The following LRRC7 variants were observed in gnomAD, a reference collection of about 807,000 sequenced individuals.
LRRC7 encodes the protein leucine rich repeat containing 7.
Under a neutral mutation model 175.7 loss-of-function variants are expected in LRRC7, and 23 were observed. That is an observed-to-expected ratio of 0.13 (90% CI 0.09 to 0.19). The LOEUF (loss-of-function observed/expected upper bound fraction) is 0.19. Among genes scored for constraint, LRRC7 ranks in the 10% least tolerant of loss-of-function variants. The pLI, the probability that LRRC7 is intolerant of heterozygous loss-of-function variation, is 1.00. For missense variants in LRRC7, 1,354 were observed against 1,904.7 expected (o/e 0.71, Z 5.38); for synonymous variants, 685 against 680.9 (o/e 1.01, Z -0.09).
intron 7 of LRRC7, among the ~76,000 whole-genome samples, chr1:69,878,967 C>T (rs922664072): frequency 2.7e-5 from 4 of 149,090 alleles, no homozygotes; most frequent in Non-Finnish European, 5.9e-5. Flanking sequence ...TATAATCCAT[C>T]CATGATGGAT....
chr1:69,637,838 CA>C (rs1653638887), intron 1 of LRRC7, among the ~76,000 whole-genome samples: 1 of 151,818 alleles, frequency 6.6e-6, no homozygotes, highest in South Asian at 2.1e-4. Context: ...CTTGATGAAG[CA>C]AAGCTGAATT....
chr1:69,818,423 T>C (rs1678850326), intron 4 of LRRC7, among the ~76,000 whole-genome samples: 1 of 152,148 alleles, frequency 6.6e-6, no homozygotes, highest in South Asian at 2.1e-4. Flanking sequence ...TTTATTGATT[T>C]GTGGATGATA....
intron 1 of LRRC7, among the ~76,000 whole-genome samples, chr1:69,617,803 T>C (rs1649910801): frequency 6.6e-6 from 1 of 152,058 alleles, no homozygotes; most frequent in South Asian, 2.1e-4. Flanking sequence ...ATTTAGCCAC[T>C]GGATCCAGGT....
intron 4 of LRRC7, among the ~76,000 whole-genome samples, chr1:69,800,597 AAATTTTG>A (rs1240619354): frequency 4.6e-5 from 7 of 151,956 alleles, no homozygotes; most frequent in Non-Finnish European, 1.0e-4. Flanking sequence ...TTGTATCCCG[AAATTTTG>A]CTGAATTCCT....
chr1:69,858,499 C>G (rs1373993401), intron 7 of LRRC7, among the ~76,000 whole-genome samples: 1 of 151,514 alleles, frequency 6.6e-6, no homozygotes, highest in Non-Finnish European at 1.5e-5. Context: ...CCAGGCTACA[C>G]CAATATTAGC....
At chr1:70,114,572 C>A (rs1284551144) in intron 26 of LRRC7, among the ~76,000 whole-genome samples, 1 of 152,058 alleles carries the variant, frequency 6.6e-6, no homozygotes, top group East Asian at 1.9e-4. Flanking sequence ...TGTGTAATTC[C>A]AGCTACTCAA....
intron 8 of LRRC7, among the ~76,000 whole-genome samples, chr1:69,960,544 T>A (rs1444644297): frequency 6.6e-6 from 1 of 152,094 alleles, no homozygotes; most frequent in Non-Finnish European, 1.5e-5. Flanking sequence ...TGCTCTTGGT[T>A]ATCTAGTTCT....
intron 2 of LRRC7, among the ~76,000 whole-genome samples, chr1:69,742,688 A>T (rs1330071591): frequency 6.6e-6 from 1 of 151,978 alleles, no homozygotes. Context: ...GCAGAAAAAT[A>T]GGGTAACTAT....
intron 3 of LRRC7, among the ~76,000 whole-genome samples, chr1:69,774,863 A>G (rs1445712038): frequency 2.0e-5 from 3 of 152,140 alleles, no homozygotes; most frequent in Admixed American, 2.0e-4. Flanking sequence ...CACGATCTCT[A>G]CAATTGATAG....
chr1:69,814,958 G>A (rs1678405990), intron 4 of LRRC7, among the ~76,000 whole-genome samples: 1 of 152,016 alleles, frequency 6.6e-6, no homozygotes, highest in Non-Finnish European at 1.5e-5. Context: ...CTTTTTGTGA[G>A]GTTTTTTTTA....
At chr1:69,789,010 G>C (rs1674813128) in intron 3 of LRRC7, among the ~76,000 whole-genome samples, 1 of 152,152 alleles carries the variant, frequency 6.6e-6, no homozygotes, top group African/African-American at 2.4e-5. Context: ...ATGAACAAAT[G>C]AATGAATGAA....
At chr1:69,860,367 T>C (rs578004756) in intron 7 of LRRC7, among the ~76,000 whole-genome samples, 55 of 152,014 alleles carry the variant, frequency 3.6e-4, no homozygotes, top group Non-Finnish European at 6.6e-4. Flanking sequence ...CAGTTCCCAT[T>C]TTATAGATGA....
At chr1:70,067,202 A>T (rs1662042895) in intron 23 of LRRC7, among the ~76,000 whole-genome samples, 1 of 152,202 alleles carries the variant, frequency 6.6e-6, no homozygotes, top group South Asian at 2.1e-4. Flanking sequence ...TATCAGATAC[A>T]TGATTTACAA....
intron 3 of LRRC7, among the ~76,000 whole-genome samples, chr1:69,771,973 T>A (rs1352790937): frequency 6.6e-6 from 1 of 151,820 alleles, no homozygotes; most frequent in Non-Finnish European, 1.5e-5. Context: ...ATACAAAAAA[T>A]TAGCCAGGCA....
At chr1:69,657,163 C>G (rs1219240861) in intron 1 of LRRC7, among the ~76,000 whole-genome samples, 1 of 151,520 alleles carries the variant, frequency 6.6e-6, no homozygotes, top group Non-Finnish European at 1.5e-5. Context: ...TAAATTCACA[C>G]TGACCTAATT....
intron 1 of LRRC7, chr1:69,607,440 A>G (rs988968155): frequency 6.6e-6 from 1 of 152,110 alleles, no homozygotes; most frequent in Non-Finnish European, 1.5e-5. Flanking sequence ...ATTTTTAGAA[A>G]GTTTTTTTAA....
intron 1 of LRRC7, among the ~76,000 whole-genome samples, chr1:69,623,716 A>G (rs1045108900): frequency 6.6e-6 from 1 of 152,016 alleles, no homozygotes; most frequent in Non-Finnish European, 1.5e-5. Context: ...ACGCCCGGCT[A>G]ATTTTGTATT....
intron 1 of LRRC7, among the ~76,000 whole-genome samples, chr1:69,618,716 AAAC>A (rs1341788391): frequency 6.6e-6 from 1 of 152,138 alleles, no homozygotes; most frequent in Non-Finnish European, 1.5e-5. Context: ...ATTCTACTTA[AAAC>A]AGCAATAACA....
rs1038997341 is a variant in LRRC7, at chr1:69,653,560, T to C, written c.3-24821T>C. On this transcript the variant is annotated intron_variant, in intron 1 of 26. Coordinates refer to ENST00000651989, the MANE Select transcript of LRRC7 (RefSeq NM_001370785.2). The stretch of plus-strand genomic sequence containing the variant: ...CCTTTTTGCATTGTTGGTAGGAATG[T>C]AAAATGTGCAGCCACTGTTTTCTAA... Among the ~76,000 whole-genome samples the C allele has an allele frequency of 2.6e-5, 4 of 152,082 alleles. No homozygotes were observed. In the East Asian group the frequency reaches 7.7e-4, roughly 29 times the overall value.
Sources: allele counts gnomAD v4.1 joint callset (sites outside exome capture counted in the v4.1 genomes callset), GRCh38; gene constraint gnomAD v4.1.1; transcripts MANE v1.5; gene names NCBI Gene and HGNC (gene_info 2026-07-23, HGNC 2026-07-21).